KLRG2: variants seen among roughly 807,000 people sequenced by gnomAD.
KLRG2 encodes the protein killer cell lectin-like receptor subfamily G member 2.
KLRG2 carries 39 observed loss-of-function variants against 35.4 expected under a neutral mutation model. The observed-to-expected ratio is 1.10, with a 90% CI of 0.85 to 1.44. The LOEUF (loss-of-function observed/expected upper bound fraction) is 1.44. Among genes scored for constraint, KLRG2 ranks in the 40% most tolerant of loss-of-function variants. KLRG2 has a pLI of 0.00. For synonymous variants in KLRG2, 283 were observed against 265.8 expected (o/e 1.06, Z -0.63); for missense variants, 632 against 570.9 (o/e 1.11, Z -1.09).
intron 3 of KLRG2, among the ~76,000 whole-genome samples, chr7:139,467,573 A>G (rs1796685890): frequency 6.6e-6 from 1 of 152,074 alleles, no homozygotes; most frequent in African/African-American, 2.4e-5. Context: ...TGCTGTGTCC[A>G]CTCAGGGTTA....
intron 3 of KLRG2, among the ~76,000 whole-genome samples, chr7:139,476,910 G>A (rs772466260): frequency 1.3e-5 from 2 of 152,084 alleles, no homozygotes; most frequent in Non-Finnish European, 2.9e-5. Flanking sequence ...CCTGATTGAC[G>A]TCTGCCTCAC....
intron 3 of KLRG2, among the ~76,000 whole-genome samples, chr7:139,458,443 A>T (rs890154272): frequency 2.0e-5 from 3 of 152,162 alleles, no homozygotes; most frequent in Admixed American, 1.3e-4. Flanking sequence ...TTTAACCATG[A>T]TAAGTGTACA....
chr7:139,446,786 T>C, the KLRG2 span, among the ~76,000 whole-genome samples: 1 of 152,034 alleles, frequency 6.6e-6, no homozygotes, highest in South Asian at 2.1e-4. Context: ...CATCGGCTTC[T>C]GACATCCAAC....
chr7:139,471,260 T>A (rs35019525), intron 3 of KLRG2, among the ~76,000 whole-genome samples: 3,402 of 152,242 alleles, frequency 0.022, 57 homozygotes, highest in Non-Finnish European at 0.037. Flanking sequence ...TGAGTAAAAT[T>A]TATTTTCTTT....
At chr7:139,434,709 A>G in the KLRG2 span, among the ~76,000 whole-genome samples, 1 of 152,322 alleles carries the variant, frequency 6.6e-6, no homozygotes, top group African/African-American at 2.4e-5. Context: ...GGGAAGTCAA[A>G]GAATCCGAAG....
intron 3 of KLRG2, among the ~76,000 whole-genome samples, chr7:139,455,557 G>A (rs975158511): frequency 9.2e-5 from 14 of 151,388 alleles, no homozygotes; most frequent in African/African-American, 2.2e-4. Flanking sequence ...TCCTGACCTC[G>A]TGATCCGCCT....
the KLRG2 span, among the ~76,000 whole-genome samples, chr7:139,435,386 A>G: frequency 2.0e-5 from 3 of 152,164 alleles, no homozygotes; most frequent in African/African-American, 7.2e-5. Flanking sequence ...GCTATTCGGG[A>G]GGGTGAGGCA....
intron 3 of KLRG2, among the ~76,000 whole-genome samples, chr7:139,460,270 A>G (rs951567290): frequency 3.9e-5 from 6 of 152,166 alleles, no homozygotes; most frequent in Admixed American, 6.5e-5. Context: ...CCTGGCCCCG[A>G]CGTTGTTGGT....
At chr7:139,447,168 G>C in the KLRG2 span, among the ~76,000 whole-genome samples, 1 of 151,968 alleles carries the variant, frequency 6.6e-6, no homozygotes, top group African/African-American at 2.4e-5. Flanking sequence ...ATTTGAAAGA[G>C]ATAGTTTCAG....
chr7:139,459,808 G>A (rs1255506874), intron 3 of KLRG2, among the ~76,000 whole-genome samples: 1 of 151,750 alleles, frequency 6.6e-6, no homozygotes, highest in Non-Finnish European at 1.5e-5. Context: ...CTGGAGTGCA[G>A]TGGTGCAATC....
chr7:139,438,928 C>A, the KLRG2 span, among the ~76,000 whole-genome samples: 11 of 128,376 alleles, frequency 8.6e-5, no homozygotes, highest in South Asian at 9.8e-4. Flanking sequence ...CCTCCCCCCC[C>A]CCACCCCGCC....
rs115969545 is a variant in KLRG2, at chr7:139,468,889, A to C, written c.1005+10738T>G. 2.4e-3 allele frequency among the ~76,000 whole-genome samples: 359 copies of C among 152,300 alleles called. 3 individuals are homozygous for C. Among genetic ancestry groups the C allele is most frequent in the African/African-American group, 8.2e-3 (339 of 41,564 alleles). On this transcript the variant is annotated intron_variant, in intron 3 of 4. Coordinates refer to ENST00000340940, the MANE Select transcript of KLRG2 (RefSeq NM_198508.4). ...ACATAACGCTGTTCGGGTGGCCCCT[A>C]ATCCAATGTGACTGGGGTTGTTACA... is the stretch of plus-strand genomic sequence containing the variant.
At chr7:139,482,863 T>C (rs994811144) in intron 1 of KLRG2, 23 bp downstream of exon 1, 7 of 1,379,836 alleles carry the variant, frequency 5.1e-6, no homozygotes, top group Non-Finnish European at 6.5e-6. Flanking sequence ...CGGCGTCGGC[T>C]GCCGGCGCAG....
chr7:139,461,725 A>G (rs1796571924), intron 3 of KLRG2, among the ~76,000 whole-genome samples: 1 of 151,816 alleles, frequency 6.6e-6, no homozygotes, highest in Non-Finnish European at 1.5e-5. Flanking sequence ...ACCCACCCAA[A>G]TCTTATAAAG....
chr7:139,479,626 C>T lies in KLRG2; in HGVS notation c.1005+1G>A, dbSNP rs141430055. ...CCTTAGATTGGACACCCCCTTCTCA[C>T]CTGGGTGTGGCTTAGCAGGGGGAGG... On this transcript the variant is annotated splice_donor_variant, in intron 3 of 4. Coordinates refer to ENST00000340940, the MANE Select transcript of KLRG2 (RefSeq NM_198508.4). LOFTEE classifies it high-confidence loss of function. The T allele has an allele frequency of 6.2e-7, 1 of 1,611,820 alleles. No homozygotes were observed. The highest frequency in any genetic ancestry group is 1.3e-5 in the African/African-American group (1 of 74,938).
chr7:139,443,272 G>A, the KLRG2 span, among the ~76,000 whole-genome samples: 1 of 151,602 alleles, frequency 6.6e-6, no homozygotes, highest in African/African-American at 2.4e-5. Context: ...TTTTAGTAGA[G>A]ACAGGGTTTC....
At chr7:139,454,864 T>C (rs114325974) in intron 3 of KLRG2, among the ~76,000 whole-genome samples, 6,905 of 138,508 alleles carry the variant, frequency 0.05, 541 homozygotes, top group African/African-American at 0.18. Flanking sequence ...ATAATAATAA[T>C]AACACACGCA....
At chr7:139,477,295 CACA>C (rs1225523043) in intron 3 of KLRG2, among the ~76,000 whole-genome samples, 4 of 152,204 alleles carry the variant, frequency 2.6e-5, no homozygotes, top group African/African-American at 9.7e-5. Context: ...CTGCATTATT[CACA>C]ACAACCCAAA....
chr7:139,459,655 T>C (rs1796535982), intron 3 of KLRG2, among the ~76,000 whole-genome samples: 1 of 152,210 alleles, frequency 6.6e-6, no homozygotes, highest in African/African-American at 2.4e-5. Context: ...CCCTGGCATA[T>C]TCCCCCATTC....
Sources: allele counts gnomAD v4.1 joint callset (sites outside exome capture counted in the v4.1 genomes callset), GRCh38; gene constraint gnomAD v4.1.1; transcripts MANE v1.5; gene names NCBI Gene and HGNC (gene_info 2026-07-23, HGNC 2026-07-21).